Variants in TTC39B observed in about 807,000 individuals in gnomAD.
TTC39B encodes the protein tetratricopeptide repeat protein 39B.
Under a neutral mutation model 96.6 loss-of-function variants are expected in TTC39B, and 92 were observed. That is an observed-to-expected ratio of 0.95 (90% confidence interval 0.80 to 1.13). TTC39B has a LOEUF of 1.13. Among genes scored for constraint, TTC39B ranks in the 50% most tolerant of loss-of-function variants. TTC39B has a pLI of 0.00. For synonymous variants in TTC39B, 367 were observed against 299.4 expected (o/e 1.23, Z -2.33); for missense variants, 955 against 809.3 (o/e 1.18, Z -2.18).
chr9:15,170,079 T>C (rs555256241), exon 20 of TTC39B: 2 of 146,858 alleles, frequency 1.4e-5, no homozygotes, highest in South Asian at 4.4e-4. Context: ...ACACAAATAA[T>C]TTTTAATGTA....
intron 8 of TTC39B, among the ~76,000 whole-genome samples, chr9:15,195,305 A>G (rs554347186): frequency 4.9e-4 from 75 of 152,304 alleles, no homozygotes; most frequent in African/African-American, 1.6e-3. Flanking sequence ...AGAGGTGAGG[A>G]AGCTGAAGAA....
intron 6 of TTC39B, among the ~76,000 whole-genome samples, chr9:15,209,284 C>G (rs753092496): frequency 7.9e-5 from 12 of 152,178 alleles, no homozygotes; most frequent in African/African-American, 2.2e-4. Context: ...CCAGGGGGCA[C>G]GTCAAGCAAT....
Position 15,255,364 on chromosome 9 carries a change from G to A in TTC39B, c.275+12550C>T, listed in dbSNP as rs548517565. On this transcript the variant is annotated intron_variant, in intron 2 of 19. Coordinates refer to ENST00000512701, the Ensembl canonical transcript of TTC39B. ...CTTTGAGGAGTTCTATTCTCTGGTC[G>A]TAGAATAATGTTCCACAAGCAGAGA... Among the ~76,000 whole-genome samples, 285 of 152,008 alleles carry A rather than the reference G, an allele frequency of 1.9e-3. 1 individual carries two copies. The highest frequency in any genetic ancestry group is 6.3e-3 in the African/African-American group (261 of 41,456).
At chr9:15,233,084 G>T (rs189489491) in intron 2 of TTC39B, among the ~76,000 whole-genome samples, 2 of 152,134 alleles carry the variant, frequency 1.3e-5, no homozygotes, top group Admixed American at 1.3e-4. Flanking sequence ...ACACCCAGCC[G>T]GGCAGTTGGA....
At chr9:15,261,578 G>C (rs1007325339) in intron 2 of TTC39B, among the ~76,000 whole-genome samples, 9 of 152,202 alleles carry the variant, frequency 5.9e-5, no homozygotes, top group African/African-American at 2.2e-4. Context: ...CTTCATTTGT[G>C]TCCAGGGCCC....
At chr9:15,186,722 A>T in intron 15 of TTC39B, 1 of 397,554 alleles carries the variant, frequency 2.5e-6, no homozygotes, top group Non-Finnish European at 4.5e-6. Context: ...ACAGAGTCTC[A>T]CTCTGTCTGT....
At chr9:15,243,866 G>C (rs1250989405) in intron 2 of TTC39B, among the ~76,000 whole-genome samples, 1 of 152,194 alleles carries the variant, frequency 6.6e-6, no homozygotes, top group East Asian at 1.9e-4. Flanking sequence ...ACTGTGAAGT[G>C]CACAGGCTGT....
intron 1 of TTC39B, among the ~76,000 whole-genome samples, chr9:15,272,236 G>C (rs1422510596): frequency 6.6e-6 from 1 of 152,158 alleles, no homozygotes; most frequent in Admixed American, 6.5e-5. Context: ...GCCCTCAGTA[G>C]TCACGCATGT....
chr9:15,192,741 G>T, intron 8 of TTC39B, 46 bp from the exon 9 acceptor site: 1 of 1,291,290 alleles, frequency 7.7e-7, no homozygotes. Flanking sequence ...CCATGACTCT[G>T]AAAATAAATA....
chr9:15,213,194 A>T (rs1820307125), intron 4 of TTC39B, among the ~76,000 whole-genome samples: 1 of 152,134 alleles, frequency 6.6e-6, no homozygotes, highest in Non-Finnish European at 1.5e-5. Context: ...ACAAGCAGAC[A>T]AAAGGAGGTA....
At chr9:15,285,650 G>T (rs200494387) in intron 1 of TTC39B, among the ~76,000 whole-genome samples, 2 of 152,072 alleles carry the variant, frequency 1.3e-5, no homozygotes, top group Non-Finnish European at 2.9e-5. Context: ...GTCAGGAGAT[G>T]GAGACCATCC....
At chr9:15,237,606 C>A (rs2146864) in intron 2 of TTC39B, among the ~76,000 whole-genome samples, 25,166 of 150,034 alleles carry the variant, frequency 0.17, 2,198 homozygotes, top group Non-Finnish European at 0.2. Context: ...CCCAAGCAGA[C>A]CAATAATAAG....
intron 2 of TTC39B, among the ~76,000 whole-genome samples, chr9:15,234,308 C>T (rs1385716648): frequency 1.4e-5 from 2 of 143,062 alleles, no homozygotes; most frequent in South Asian, 2.3e-4. Context: ...GGAGGGAAGT[C>T]GGGGGGTCAG....
intron 2 of TTC39B, among the ~76,000 whole-genome samples, chr9:15,246,731 C>G (rs1237912656): frequency 6.6e-6 from 1 of 152,238 alleles, no homozygotes; most frequent in Non-Finnish European, 1.5e-5. Flanking sequence ...ACAGTTCTAG[C>G]TAAATTCCCA....
chr9:15,250,233 C>T lies in TTC39B; in HGVS notation c.275+17681G>A, dbSNP rs1210402010. ...CGGATGCTTCTGCAGGAAGGGATGC[C>T]GGGAGATTTTTTTTCCCCCAATCTC... On this transcript the variant is annotated intron_variant, in intron 2 of 19. Transcript: ENST00000512701. 15 of 1,083,768 alleles carry T rather than the reference C, an allele frequency of 1.4e-5. No homozygotes were observed. The South Asian group carries it at 2.3e-4, about 17-fold the overall frequency. 67.1% of individuals were successfully genotyped at this position (1,083,768 alleles called of 1,614,324 possible). A position where few individuals can be genotyped will look rare whatever the true frequency, so the allele number is the denominator to read the frequency against.
At chr9:15,260,430 A>T (rs759338725) in intron 2 of TTC39B, among the ~76,000 whole-genome samples, 45 of 150,676 alleles carry the variant, frequency 3.0e-4, no homozygotes, top group Non-Finnish European at 5.5e-4. Flanking sequence ...TATTACCTAC[A>T]GGGGAAAATT....
At chr9:15,223,242 G>A (rs144097582) in intron 3 of TTC39B, among the ~76,000 whole-genome samples, 5 of 152,192 alleles carry the variant, frequency 3.3e-5, no homozygotes, top group African/African-American at 1.2e-4. Context: ...AGGGAGAATC[G>A]CAAGAAACCA....
chr9:15,215,091 A>G (rs962427330), intron 3 of TTC39B, among the ~76,000 whole-genome samples: 2 of 151,968 alleles, frequency 1.3e-5, no homozygotes, highest in African/African-American at 4.8e-5. Context: ...TCGTCTCTAT[A>G]AAAAAGTTTT....
rs574850827 is a variant in TTC39B, at chr9:15,267,101, C to T, written c.275+813G>A. Among the ~76,000 whole-genome samples the T allele has an allele frequency of 2.6e-5, 4 of 152,196 alleles. No homozygotes were observed. In the East Asian group the frequency reaches 7.7e-4, roughly 29 times the overall value. On this transcript the variant is annotated intron_variant, in intron 2 of 19. Coordinates refer to ENST00000512701, the Ensembl canonical transcript of TTC39B. ...CTCAAAAAAAAAGGACACCAGAGAG[C>T]TTTTGCTCTCACTCTCTCGGCCATG...
Sources: allele counts gnomAD v4.1 joint callset (sites outside exome capture counted in the v4.1 genomes callset), GRCh38; gene constraint gnomAD v4.1.1; transcripts MANE v1.5; gene names NCBI Gene and HGNC (gene_info 2026-07-23, HGNC 2026-07-21).